Variants in RPSA2 observed in about 807,000 individuals in gnomAD.
RPSA2 encodes small ribosomal subunit protein uS2B.
the RPSA2 span, among the ~76,000 whole-genome samples, chr19:23,862,371 C>T: frequency 2.0e-5 from 3 of 151,454 alleles, no homozygotes; most frequent in Non-Finnish European, 4.4e-5. Context: ...CCCTTTATTT[C>T]CTTCTCTTGC....
At chr19:23,839,812 C>T in the RPSA2 span, among the ~76,000 whole-genome samples, 1 of 152,280 alleles carries the variant, frequency 6.6e-6, no homozygotes, top group South Asian at 2.1e-4. Flanking sequence ...CCCTGTATTT[C>T]ACTCAGCTTG....
At chr19:23,848,273 C>G in the RPSA2 span, among the ~76,000 whole-genome samples, 1 of 152,204 alleles carries the variant, frequency 6.6e-6, no homozygotes, top group Non-Finnish European at 1.5e-5. Context: ...GGGTCCCTGA[C>G]TTCCCACAAC....
At chr19:23,813,454 A>G in the RPSA2 span, among the ~76,000 whole-genome samples, 1 of 152,038 alleles carries the variant, frequency 6.6e-6, no homozygotes, top group Non-Finnish European at 1.5e-5. Context: ...TGAAATCATA[A>G]TATCTATGAT....
At chr19:23,759,953 C>T in the RPSA2 span, among the ~76,000 whole-genome samples, 7,892 of 152,214 alleles carry the variant, frequency 0.052, 418 homozygotes, top group Admixed American at 0.12. Flanking sequence ...CAGGCCATCT[C>T]AACACTCCAA....
chr19:23,869,729 G>C, the RPSA2 span, among the ~76,000 whole-genome samples: 1 of 152,148 alleles, frequency 6.6e-6, no homozygotes, highest in Non-Finnish European at 1.5e-5. Context: ...CATTATCTAG[G>C]GAGGAAAGGT....
the RPSA2 span, among the ~76,000 whole-genome samples, chr19:23,778,978 C>T: frequency 4.4e-5 from 6 of 135,528 alleles, no homozygotes; most frequent in African/African-American, 1.4e-4. Flanking sequence ...GCCTTCTGCT[C>T]AGTGATTTTT....
chr19:23,798,582 T>C, the RPSA2 span, among the ~76,000 whole-genome samples: 1 of 152,036 alleles, frequency 6.6e-6, no homozygotes, highest in East Asian at 1.9e-4. Flanking sequence ...AGTTTTTCAA[T>C]TGAAATACAG....
chr19:23,779,108 C>T, the RPSA2 span, among the ~76,000 whole-genome samples: 1 of 145,552 alleles, frequency 6.9e-6, no homozygotes, highest in Non-Finnish European at 1.5e-5. Flanking sequence ...TCATGCCATT[C>T]TCCTGCCTCA....
At chr19:23,809,886 A>C in the RPSA2 span, among the ~76,000 whole-genome samples, 1 of 152,244 alleles carries the variant, frequency 6.6e-6, no homozygotes, top group Non-Finnish European at 1.5e-5. Context: ...ATTGACAATA[A>C]GAAACAATTG....
chr19:23,864,114 G>A, the RPSA2 span, among the ~76,000 whole-genome samples: 1,769 of 152,202 alleles, frequency 0.012, 37 homozygotes, highest in African/African-American at 0.039. Flanking sequence ...TTTTCCTGTC[G>A]AAAAAGTAAT....
chr19:23,758,821 G>C, the RPSA2 span: 1 of 1,603,418 alleles, frequency 6.2e-7, no homozygotes, highest in South Asian at 1.1e-5. Flanking sequence ...GGCCATAGAG[G>C]CTGGGCCTCT....
the RPSA2 span, among the ~76,000 whole-genome samples, chr19:23,863,434 GGCAC>G: frequency 8.6e-5 from 13 of 151,818 alleles, no homozygotes; most frequent in African/African-American, 2.9e-4. Flanking sequence ...CATCGTGATA[GGCAC>G]CTATAATCCC....
chr19:23,849,449 C>T, the RPSA2 span, among the ~76,000 whole-genome samples: 10 of 152,104 alleles, frequency 6.6e-5, no homozygotes, highest in Non-Finnish European at 1.2e-4. Flanking sequence ...GGTTCAGAAT[C>T]ATGGATGCGA....
At chr19:23,782,851 A>G in the RPSA2 span, among the ~76,000 whole-genome samples, 1 of 152,034 alleles carries the variant, frequency 6.6e-6, no homozygotes, top group Non-Finnish European at 1.5e-5. Context: ...CCCTACCCAC[A>G]AGAGACATTG....
the RPSA2 span, among the ~76,000 whole-genome samples, chr19:23,811,898 C>A: frequency 6.6e-6 from 1 of 152,066 alleles, no homozygotes; most frequent in Non-Finnish European, 1.5e-5. Flanking sequence ...TCAGTAGTTT[C>A]TTTTAAAAGC....
the RPSA2 span, among the ~76,000 whole-genome samples, chr19:23,798,056 T>C: frequency 1.8e-4 from 27 of 151,698 alleles, no homozygotes; most frequent in East Asian, 5.0e-3. Flanking sequence ...CTTTGTTATG[T>C]ATTTATTTTT....
chr19:23,835,624 T>TG, the RPSA2 span, among the ~76,000 whole-genome samples: 1 of 151,830 alleles, frequency 6.6e-6, no homozygotes, highest in Non-Finnish European at 1.5e-5. Context: ...AGTTTTTTTT[T>TG]TTGTTGTTGT....
At chr19:23,859,364 C>T in the RPSA2 span, among the ~76,000 whole-genome samples, 2 of 152,142 alleles carry the variant, frequency 1.3e-5, no homozygotes, top group African/African-American at 4.8e-5. Flanking sequence ...TGCGATGCCT[C>T]ACACCTGTAA....
At chr19:23,829,342 CCA>C in the RPSA2 span, among the ~76,000 whole-genome samples, 1 of 152,114 alleles carries the variant, frequency 6.6e-6, no homozygotes, top group Non-Finnish European at 1.5e-5. Flanking sequence ...CTCTTGTTGT[CCA>C]TGCTGGAGTG....
Sources: allele counts gnomAD v4.1 joint callset (sites outside exome capture counted in the v4.1 genomes callset), GRCh38; gene constraint gnomAD v4.1.1; transcripts MANE v1.5; gene names NCBI Gene and HGNC (gene_info 2026-07-23, HGNC 2026-07-21).